The following UACA variants were observed in gnomAD, a reference collection of about 807,000 sequenced individuals.
UACA encodes nuclear membrane binding protein.
UACA carries 112 observed loss-of-function variants against 160.5 expected under a neutral mutation model. That is an observed-to-expected ratio of 0.70 (90% confidence interval 0.60 to 0.82). UACA has a LOEUF of 0.82. UACA is among the 40% of genes least tolerant of loss of function. The pLI, the probability that UACA is intolerant of heterozygous loss-of-function variation, is 0.00. For synonymous variants in UACA, 557 were observed against 568.4 expected, an observed-to-expected ratio of 0.98 and a Z score of 0.29; for missense variants, 1,574 against 1,614.6, an observed-to-expected ratio of 0.97 and a Z score of 0.43.
In UACA at chr15:70,655,690, A is replaced by G. The variant is rs1240171371; in HGVS notation, c.*1366T>C. On this transcript the variant is annotated 3_prime_UTR_variant, in exon 19 of 19. Transcript: ENST00000322954. ...AAAACAAATCCAATTCTGACTTTCA[A>G]TGTTGTTTCAACACCGAAAAAATAT... 1.3e-5 allele frequency: 2 copies of G among 152,250 alleles called. No homozygotes were observed. Among genetic ancestry groups the G allele is most frequent in the Non-Finnish European group, 1.5e-5 (1 of 68,048 alleles). The allele number at this position is 152,250 out of a possible 1,614,324, so 9.4% of individuals were successfully genotyped here.
intron 10 of UACA, 36 bp from the exon 11 acceptor site, chr15:70,678,242 C>G: frequency 2.0e-6 from 3 of 1,494,494 alleles, no homozygotes; most frequent in Non-Finnish European, 2.7e-6. Context: ...CCAGGCCAAT[C>G]TTAAAAGAGC....
rs1287603706 is a variant in UACA at position 70,668,811 on chromosome 15, G to C, written c.1873C>G (p.Leu625Val). Residue 625 changes from leucine (L) to valine (V), a missense_variant, in exon 16 of 19, where the codon CTT becomes GTT. Physicochemically the swap from Leu to Val is conservative, Grantham distance 32. Transcript: ENST00000322954. Reference protein sequence around the residue: ...QAKELSAKLALSIPAEKFENM... With the variant: ...QAKELSAKLAVSIPAEKFENM... ...TCAAATTTTTCAGCTGGAATGGAAA[G>C]GGCCAACTTCGCTGACAATTCTTTT... The C allele has an allele frequency of 6.2e-7, 1 of 1,613,866 alleles. No homozygotes were observed. The highest frequency in any genetic ancestry group is 1.7e-5 in the Admixed American group (1 of 59,984).
intron 8 of UACA, 58 bp from the exon 9 acceptor site, chr15:70,682,853 G>A (rs923629819): frequency 1.6e-5 from 19 of 1,195,394 alleles, no homozygotes; most frequent in South Asian, 9.2e-5. Context: ...GGGTAGGTAC[G>A]CATTCCCTAA....
At chr15:70,766,960 G>T (rs1006715123), upstream of UACA, among the ~76,000 whole-genome samples, 1 of 152,026 alleles carries the variant, frequency 6.6e-6, no homozygotes, top group African/African-American at 2.4e-5. Flanking sequence ...CACACAGAGG[G>T]CCGGGCACAG....
At chr15:70,741,247 G>A (rs1378721897) in intron 1 of UACA, among the ~76,000 whole-genome samples, 1 of 152,144 alleles carries the variant, frequency 6.6e-6, no homozygotes, top group Non-Finnish European at 1.5e-5. Flanking sequence ...ACAGCAGGCT[G>A]ATTTCTGCAC....
chr15:70,722,321 CTT>C (rs66463519), intron 1 of UACA, among the ~76,000 whole-genome samples: 1,916 of 144,102 alleles, frequency 0.013, 43 homozygotes, highest in African/African-American at 0.046. Flanking sequence ...AGCAAAATCA[CTT>C]TTTTTTTTTT....
Position 70,662,251 on chromosome 15 carries a change from C to T in UACA, c.4114-2035G>A, listed in dbSNP as rs1377106448. ...CAGAGAGCCAAATCATGAGTGAACT[C>T]CCATTCACGATTGCTTCAAAGAGAA... On this transcript the variant is annotated intron_variant, in intron 17 of 18. Coordinates refer to ENST00000322954, the MANE Select transcript of UACA (RefSeq NM_018003.4). 2.0e-5 allele frequency among the ~76,000 whole-genome samples: 3 copies of T among 152,254 alleles called. No homozygotes were observed. In the East Asian group the frequency reaches 5.8e-4, roughly 29 times the overall value.
intron 1 of UACA, among the ~76,000 whole-genome samples, chr15:70,749,959 T>G (rs1424279937): frequency 1.3e-5 from 2 of 152,136 alleles, no homozygotes; most frequent in Non-Finnish European, 2.9e-5. Flanking sequence ...TAATTACCAT[T>G]CAATCAGGGA....
Position 70,667,158 on chromosome 15 carries a change from A to G in UACA, c.3526T>C (p.Phe1176Leu). The G allele has an allele frequency of 6.2e-7, 1 of 1,613,644 alleles. No homozygotes were observed. The highest frequency in any genetic ancestry group is 8.5e-7 in the Non-Finnish European group (1 of 1,179,922). Residue 1176 changes from phenylalanine to leucine, a missense_variant, in exon 16 of 19, where the codon TTT (phenylalanine) becomes CTT (leucine). Physicochemically the swap from Phe to Leu is conservative, Grantham distance 22. Transcript: ENST00000322954. ...LAEHLQIKEAFEKEVGIIKAS... is the reference protein window; with the variant it reads ...LAEHLQIKEALEKEVGIIKAS... ...TTTATGATTCCAACTTCTTTCTCAAATGCTTCTTTAATCTGCAAATGCTCT... is the reference window on the plus strand; with the variant it reads ...TTTATGATTCCAACTTCTTTCTCAAGTGCTTCTTTAATCTGCAAATGCTCT...
intron 5 of UACA, 121 bp downstream of exon 5, chr15:70,690,333 T>C: frequency 1.1e-6 from 1 of 927,146 alleles, no homozygotes; most frequent in Non-Finnish European, 1.7e-6. Flanking sequence ...TGCAAACAGG[T>C]TTTTAATATT....
chr15:70,752,766 C>A (rs968818221), intron 1 of UACA, among the ~76,000 whole-genome samples: 2 of 152,042 alleles, frequency 1.3e-5, no homozygotes, highest in South Asian at 4.1e-4. Flanking sequence ...CAAAAGTGTA[C>A]ACAGTTGTAG....
At chr15:70,744,351 A>G (rs1035724607) in intron 1 of UACA, among the ~76,000 whole-genome samples, 2 of 151,932 alleles carry the variant, frequency 1.3e-5, no homozygotes, top group African/African-American at 4.8e-5. Context: ...TGCCTTTGGT[A>G]TAAGACAGTC....
chr15:70,672,811 C>T (rs367763171), intron 13 of UACA, among the ~76,000 whole-genome samples: 2 of 151,890 alleles, frequency 1.3e-5, no homozygotes, highest in East Asian at 1.9e-4. Flanking sequence ...AATACAAGAA[C>T]GAGCTGGGTG....
At chr15:70,688,815 G>C (rs1336968074) in intron 5 of UACA, among the ~76,000 whole-genome samples, 2 of 152,092 alleles carry the variant, frequency 1.3e-5, no homozygotes, top group African/African-American at 4.8e-5. Context: ...AAATGAGTTT[G>C]TTTATATATC....
rs1216656921 is a variant in UACA, at chr15:70,699,675, A to T, written c.79-15T>A. ...TCTGCTGCATGCTACAAAAAGGAAA[A>T]AAAAAAGTAAATATGGCATACTACA... On this transcript the variant is annotated splice_polypyrimidine_tract_variant and intron_variant, in intron 1 of 18. Transcript: ENST00000322954. 2.5e-6 allele frequency: 4 copies of T among 1,607,910 alleles called. No individual in the cohort carries two copies. The African/African-American group carries it at 5.4e-5, about 22-fold the overall frequency.
the UACA span, chr15:70,778,840 T>C: frequency 6.6e-6 from 1 of 152,260 alleles, no homozygotes; most frequent in African/African-American, 2.4e-5. Context: ...CCTGACTTCC[T>C]TAAGAAATGT....
intron 1 of UACA, among the ~76,000 whole-genome samples, chr15:70,744,248 CA>C (rs5813608): frequency 0.042 from 2,748 of 64,728 alleles, 24 homozygotes; most frequent in Middle Eastern, 0.071. Context: ...GACTCTGTCT[CA>C]AAAAAAAAAA....
At position 70,695,106 on chromosome 15, in the gene UACA, C is replaced by CA; in HGVS notation, c.213-2_213-1insT. On this transcript the variant is annotated splice_acceptor_variant, in intron 2 of 18. Coordinates refer to ENST00000322954, the MANE Select transcript of UACA (RefSeq NM_018003.4). LOFTEE classifies it high-confidence loss of function. The stretch of plus-strand genomic sequence containing the variant: ...CCCCTTTGAGGTCACAACATGGAAG[C>CA]TAAACAAAAAAAAAATATTTGTTGT... 1 of 1,578,750 alleles carries CA rather than the reference C, an allele frequency of 6.3e-7. No homozygotes were observed. The highest frequency in any genetic ancestry group is 1.9e-5 in the Admixed American group (1 of 53,784).
chr15:70,665,851 T>C (rs576275316), intron 16 of UACA, among the ~76,000 whole-genome samples: 2 of 152,282 alleles, frequency 1.3e-5, no homozygotes, highest in South Asian at 4.1e-4. Context: ...CCCCAGCACA[T>C]GACATGCAGA....
Sources: gnomAD v4.1 joint callset for allele counts (sites outside exome capture counted in the v4.1 genomes callset) on GRCh38, gnomAD v4.1.1 for gene constraint, MANE v1.5 for transcripts, NCBI Gene and HGNC (gene_info 2026-07-23, HGNC 2026-07-21) for gene names.